Variants in RAB38 observed in about 807,000 individuals in gnomAD.
RAB38 encodes ras-related protein Rab-38.
Under a neutral mutation model 18.4 loss-of-function variants are expected in RAB38, and 15 were observed. That is an observed-to-expected ratio of 0.82 (90% confidence interval 0.55 to 1.26). The LOEUF is 1.26. Among genes scored for constraint, RAB38 ranks in the 50% most tolerant of loss-of-function variants. The pLI, the probability that RAB38 is intolerant of heterozygous loss-of-function variation, is 0.00. For synonymous variants in RAB38, 101 were observed against 104.4 expected, an observed-to-expected ratio of 0.97 and a Z score of 0.20; for missense variants, 294 against 267.4, an observed-to-expected ratio of 1.10 and a Z score of -0.69.
chr11:87,964,973 C>T, the RAB38 span, among the ~76,000 whole-genome samples: 16 of 152,268 alleles, frequency 1.1e-4, no homozygotes, highest in South Asian at 4.1e-4. Flanking sequence ...GTTATATCTA[C>T]GGCAGAGTTT....
At chr11:87,844,205 T>C in the RAB38 span, among the ~76,000 whole-genome samples, 1 of 152,150 alleles carries the variant, frequency 6.6e-6, no homozygotes, top group Non-Finnish European at 1.5e-5. Context: ...ATGAAATAAA[T>C]AGAGATTACT....
At chr11:88,157,740 T>A (rs1447682502) in intron 1 of RAB38, among the ~76,000 whole-genome samples, 1 of 152,122 alleles carries the variant, frequency 6.6e-6, no homozygotes, top group Non-Finnish European at 1.5e-5. Flanking sequence ...TGAATGACTT[T>A]CGGATAAACA....
the RAB38 span, among the ~76,000 whole-genome samples, chr11:88,033,762 C>G: frequency 1.6e-4 from 21 of 135,240 alleles, no homozygotes; most frequent in African/African-American, 5.7e-4. Flanking sequence ...GAGTCTCGCT[C>G]TGTCGCCCAG....
At chr11:88,050,995 G>T in the RAB38 span, among the ~76,000 whole-genome samples, 4 of 152,126 alleles carry the variant, frequency 2.6e-5, no homozygotes, top group African/African-American at 9.7e-5. Context: ...AGTGAGGCTG[G>T]GTAGTAAAGT....
At chr11:88,061,672 T>C in the RAB38 span, 2 of 152,102 alleles carry the variant, frequency 1.3e-5, no homozygotes, top group Non-Finnish European at 2.9e-5. Context: ...CTTTTTTTTT[T>C]CCACAGGACC....
At chr11:88,053,641 A>G in the RAB38 span, among the ~76,000 whole-genome samples, 1 of 151,826 alleles carries the variant, frequency 6.6e-6, no homozygotes, top group Admixed American at 6.6e-5. Context: ...AAAAGTTAAA[A>G]CCAAATAAAA....
chr11:87,813,280 T>C, the RAB38 span, among the ~76,000 whole-genome samples: 4 of 152,206 alleles, frequency 2.6e-5, no homozygotes, highest in African/African-American at 9.7e-5. Flanking sequence ...CCAGCTCTTT[T>C]CATATTGTAC....
At chr11:88,011,482 G>C in the RAB38 span, among the ~76,000 whole-genome samples, 1 of 152,154 alleles carries the variant, frequency 6.6e-6, no homozygotes, top group African/African-American at 2.4e-5. Context: ...GTAAATAAAT[G>C]TTGTAGTCCA....
the RAB38 span, among the ~76,000 whole-genome samples, chr11:87,892,414 T>C: frequency 6.0e-4 from 91 of 151,954 alleles, no homozygotes; most frequent in Admixed American, 1.2e-3. Flanking sequence ...GTGGTTGTAA[T>C]AGCTGTATAA....
the RAB38 span, among the ~76,000 whole-genome samples, chr11:87,932,905 A>C: frequency 6.6e-6 from 1 of 152,116 alleles, no homozygotes; most frequent in Non-Finnish European, 1.5e-5. Context: ...ATATTATTGA[A>C]ATTTTATTTT....
At chr11:87,831,769 G>A in the RAB38 span, among the ~76,000 whole-genome samples, 3 of 152,188 alleles carry the variant, frequency 2.0e-5, no homozygotes, top group Non-Finnish European at 4.4e-5. Context: ...AAGCTTTACA[G>A]TTGGCCCTAT....
At chr11:88,161,657 TG>T (rs778394479) in intron 1 of RAB38, among the ~76,000 whole-genome samples, 6 of 152,122 alleles carry the variant, frequency 3.9e-5, no homozygotes, top group Non-Finnish European at 8.8e-5. Context: ...TGCCTTATCA[TG>T]TATTTGTGAA....
the RAB38 span, among the ~76,000 whole-genome samples, chr11:88,101,765 T>A: frequency 4.6e-5 from 7 of 151,768 alleles, no homozygotes; most frequent in South Asian, 1.5e-3. Context: ...AACAGCTGGT[T>A]TTAAGTAACC....
rs554603663 is a variant in RAB38, at chr11:88,175,404, T to C, written c.-20A>G. ...CTGCATCCTGGCGGCCGGCCAGACG[T>C]GCCGTGCCTGACCAGGGAAGCGCAG... On this transcript the variant is annotated 5_prime_UTR_variant, in exon 1 of 3. Transcript: ENST00000243662. 4 of 1,597,064 alleles carry C rather than the reference T, an allele frequency of 2.5e-6. No homozygotes were observed. The highest frequency in any genetic ancestry group is 3.4e-6 in the Non-Finnish European group (4 of 1,169,384).
chr11:88,162,905 A>G (rs1353789570), intron 1 of RAB38, among the ~76,000 whole-genome samples: 3 of 152,012 alleles, frequency 2.0e-5, no homozygotes, highest in Non-Finnish European at 4.4e-5. Flanking sequence ...ATCCACTCCC[A>G]CTGAAAGACG....
At chr11:87,813,451 T>A in the RAB38 span, among the ~76,000 whole-genome samples, 2 of 152,068 alleles carry the variant, frequency 1.3e-5, no homozygotes, top group East Asian at 3.9e-4. Context: ...CTAGTTCATC[T>A]TCTGTGACTC....
At chr11:87,854,266 G>C in the RAB38 span, among the ~76,000 whole-genome samples, 1 of 152,170 alleles carries the variant, frequency 6.6e-6, no homozygotes, top group Non-Finnish European at 1.5e-5. Context: ...TGTGATATCA[G>C]ATAAATTAGC....
At chr11:87,963,828 A>C in the RAB38 span, among the ~76,000 whole-genome samples, 1 of 151,804 alleles carries the variant, frequency 6.6e-6, no homozygotes. Context: ...TTGTATTTTT[A>C]GTAGACACAG....
At chr11:88,140,661 C>G (rs539589269) in intron 2 of RAB38, among the ~76,000 whole-genome samples, 1 of 152,058 alleles carries the variant, frequency 6.6e-6, no homozygotes, top group Admixed American at 6.6e-5. Flanking sequence ...CTAGGAGGCA[C>G]GTTCCAGGCA....
Sources: gnomAD v4.1 joint callset for allele counts (sites outside exome capture counted in the v4.1 genomes callset) on GRCh38, gnomAD v4.1.1 for gene constraint, MANE v1.5 for transcripts, NCBI Gene and HGNC (gene_info 2026-07-23, HGNC 2026-07-21) for gene names.